LYRM7: variants seen among roughly 807,000 people sequenced by gnomAD.
LYRM7 encodes LYR motif containing 7, also known as complex III assembly factor LYRM7.
LYRM7 carries 9 observed loss-of-function variants against 15.8 expected under a neutral mutation model. The observed-to-expected ratio is 0.57, with a 90% CI of 0.34 to 0.99. LYRM7 has a LOEUF of 0.99. Ranked by LOEUF, LYRM7 falls within the 50% of genes least tolerant of loss-of-function variation. The pLI is 0.02. For missense variants in LYRM7, 115 were observed against 119.1 expected (o/e 0.97, Z 0.16); for synonymous variants, 39 against 39.4 (o/e 0.99, Z 0.04).
intron 2 of LYRM7, 25 bp downstream of exon 2, chr5:131,180,192 G>C: frequency 6.5e-7 from 1 of 1,539,666 alleles, no homozygotes; most frequent in Non-Finnish European, 9.0e-7. Context: ...TACCCCTTTG[G>C]AGCCAGTCTA....
At chr5:131,171,079 GA>G in intron 1 of LYRM7, 41 bp downstream of exon 1, 1 of 1,501,390 alleles carries the variant, frequency 6.7e-7, no homozygotes, top group Non-Finnish European at 8.8e-7. Context: ...TGCCGTCGGG[GA>G]GGGTATGTTC....
rs968409312 is a variant in LYRM7 at position 131,204,681 on chromosome 5, A to C, written c.*5080A>C. On this transcript the variant is annotated 3_prime_UTR_variant, in exon 5 of 5. Coordinates refer to ENST00000379380, the MANE Select transcript of LYRM7 (RefSeq NM_181705.4). ...AATGCAAATAATCCAAAATACAAAA[A>C]AAAAAAAAAAGAAATCTGAAACACT... 1.5e-4 allele frequency: 23 copies of C among 152,074 alleles called. No individual in the cohort carries two copies. Among genetic ancestry groups the C allele is most frequent in the African/African-American group, 5.5e-4 (23 of 41,470 alleles). The allele number at this position is 152,074 out of a possible 1,614,324, so 9.4% of individuals were successfully genotyped here.
intron 4 of LYRM7, among the ~76,000 whole-genome samples, chr5:131,194,604 A>C (rs1755934875): frequency 6.6e-6 from 1 of 152,202 alleles, no homozygotes; most frequent in Admixed American, 6.5e-5. Context: ...CAGTGGTTTC[A>C]GGATCAAGTT....
chr5:131,195,960 C>G (rs1755956212), intron 4 of LYRM7, among the ~76,000 whole-genome samples: 1 of 152,150 alleles, frequency 6.6e-6, no homozygotes, highest in Non-Finnish European at 1.5e-5. Flanking sequence ...TGTAACCAAA[C>G]ATCCTTGATT....
At chr5:131,178,561 C>T (rs1293125553) in intron 1 of LYRM7, among the ~76,000 whole-genome samples, 2 of 152,144 alleles carry the variant, frequency 1.3e-5, no homozygotes, top group African/African-American at 4.8e-5. Flanking sequence ...AGCCTCTTCA[C>T]AATCTGTCTT....
intron 4 of LYRM7, among the ~76,000 whole-genome samples, chr5:131,198,080 A>G (rs1309005576): frequency 6.6e-6 from 1 of 151,722 alleles, no homozygotes; most frequent in African/African-American, 2.4e-5. Flanking sequence ...CATAATGCCT[A>G]TTTACCCCAA....
chr5:131,179,618 A>T (rs1229692643), intron 1 of LYRM7, among the ~76,000 whole-genome samples: 1 of 151,134 alleles, frequency 6.6e-6, no homozygotes. Flanking sequence ...ACAGGTGCAC[A>T]CCACCATGGC....
At chr5:131,193,412 C>A (rs6890881) in intron 4 of LYRM7, among the ~76,000 whole-genome samples, 14,060 of 152,166 alleles carry the variant, frequency 0.092, 1,446 homozygotes, top group African/African-American at 0.25. Flanking sequence ...GACACATAAG[C>A]AGAGCTACAG....
chr5:131,204,458 G>A lies in LYRM7; in HGVS notation c.*4857G>A, dbSNP rs1468665159. Reference sequence around the variant, plus strand: ...TGGAATATTTTCCAAGAGTTGAAAAGGATGAGGATACACACACACACACAC... The same window carrying A: ...TGGAATATTTTCCAAGAGTTGAAAAAGATGAGGATACACACACACACACAC... On this transcript the variant is annotated 3_prime_UTR_variant, in exon 5 of 5. Coordinates refer to ENST00000379380, the MANE Select transcript of LYRM7 (RefSeq NM_181705.4). The A allele has an allele frequency of 2.2e-5, 3 of 137,324 alleles. No individual in the cohort carries two copies. Among genetic ancestry groups the A allele is most frequent in the Admixed American group, 7.5e-5 (1 of 13,328 alleles). 8.5% of individuals were successfully genotyped at this position (137,324 alleles called of 1,614,324 possible). A position where few individuals can be genotyped will look rare whatever the true frequency, so the allele number is the denominator to read the frequency against.
intron 4 of LYRM7, 108 bp from the exon 5 acceptor site, chr5:131,199,423 T>C (rs769481645): frequency 8.3e-6 from 6 of 723,116 alleles, no homozygotes; most frequent in African/African-American, 1.8e-5. Context: ...AAGATTTATC[T>C]TAAAACTGGA....
At chr5:131,171,335 C>A (rs751743847) in intron 1 of LYRM7, among the ~76,000 whole-genome samples, 2 of 152,080 alleles carry the variant, frequency 1.3e-5, no homozygotes, top group Non-Finnish European at 2.9e-5. Flanking sequence ...CATCTTCAGA[C>A]CGAGTATTTG....
Position 131,201,391 on chromosome 5 carries a change from C to T in LYRM7, c.*1790C>T, listed in dbSNP as rs927182508. The T allele has an allele frequency of 6.6e-6, 1 of 150,944 alleles. No individual in the cohort carries two copies. Among genetic ancestry groups the T allele is most frequent in the African/African-American group, 2.4e-5 (1 of 41,082 alleles). The allele number at this position is 150,944 out of a possible 1,614,324, so 9.4% of individuals were successfully genotyped here. On this transcript the variant is annotated 3_prime_UTR_variant, in exon 5 of 5. Coordinates refer to ENST00000379380, the MANE Select transcript of LYRM7 (RefSeq NM_181705.4). ...ACAGATAGGTAGATATGATATTGTA[C>T]TTTCATGCCATAAGACTACACAATA...
chr5:131,189,444 CAAAAA>C (rs71000976), intron 4 of LYRM7, among the ~76,000 whole-genome samples: 37 of 46,162 alleles, frequency 8.0e-4, no homozygotes, highest in African/African-American at 1.8e-3. Flanking sequence ...CTCCGTCTCC[CAAAAA>C]AAAAAAAAAA....
At chr5:131,198,915 T>A (rs942227305) in intron 4 of LYRM7, among the ~76,000 whole-genome samples, 13 of 152,108 alleles carry the variant, frequency 8.5e-5, no homozygotes, top group Non-Finnish European at 1.6e-4. Flanking sequence ...CAGCAAGATG[T>A]CTTACCTAGG....
intron 3 of LYRM7, among the ~76,000 whole-genome samples, chr5:131,185,497 T>C (rs1755783854): frequency 6.6e-6 from 1 of 152,250 alleles, no homozygotes; most frequent in African/African-American, 2.4e-5. Context: ...TTTTTACCCA[T>C]GCATGATTTT....
At chr5:131,178,211 C>A (rs1376633833) in intron 1 of LYRM7, among the ~76,000 whole-genome samples, 1 of 152,102 alleles carries the variant, frequency 6.6e-6, no homozygotes, top group Non-Finnish European at 1.5e-5. Context: ...ACACAGTATG[C>A]TTAGTAAATG....
At chr5:131,171,107 T>C (rs1755512255) in intron 1 of LYRM7, 69 bp downstream of exon 1, 7 of 1,427,284 alleles carry the variant, frequency 4.9e-6, no homozygotes, top group Non-Finnish European at 6.4e-6. Context: ...TTGAGAAAAC[T>C]GTCTGGAGTC....
At chr5:131,172,044 T>A (rs1755531123) in intron 1 of LYRM7, among the ~76,000 whole-genome samples, 1 of 152,232 alleles carries the variant, frequency 6.6e-6, no homozygotes, top group Non-Finnish European at 1.5e-5. Flanking sequence ...TAAACAGTTA[T>A]TTAATTACAG....
chr5:131,187,064 A>C lies in LYRM7; in HGVS notation c.199A>C (p.Arg67=). The C allele has an allele frequency of 6.4e-7, 1 of 1,563,470 alleles. No homozygotes were observed. The highest frequency in any genetic ancestry group is 8.7e-7 in the Non-Finnish European group (1 of 1,147,644). ...KIGSDVELLL[R]TSVIQGIHTD... ...AGGTTCTGATGTTGAATTATTACTC[A>C]GAACATCTGTTATACAAGGTATTCA... The change falls in exon 4 of 5, where the codon AGA becomes CGA. Residue 67 remains arginine (R), a synonymous_variant. Transcript: ENST00000379380.
Sources: gnomAD v4.1 joint callset for allele counts (sites outside exome capture counted in the v4.1 genomes callset) on GRCh38, gnomAD v4.1.1 for gene constraint, MANE v1.5 for transcripts, NCBI Gene and HGNC (gene_info 2026-07-23, HGNC 2026-07-21) for gene names.